The following RAD52 variants were observed in gnomAD, a reference collection of about 807,000 sequenced individuals.
RAD52 encodes the protein DNA repair protein RAD52 homolog.
In RAD52, 47 loss-of-function variants were observed where a neutral mutation model predicts 55.5. The observed-to-expected ratio is 0.85, with a 90% CI of 0.67 to 1.08. The LOEUF is 1.08. RAD52 is among the 50% of genes least tolerant of loss of function. RAD52 has a pLI of 0.00. For missense variants in RAD52, 468 were observed against 522.8 expected (o/e 0.90, Z 1.02); for synonymous variants, 184 against 198.9 (o/e 0.92, Z 0.63).
At chr12:959,186 G>A (rs559566607) in intron 1 of RAD52, among the ~76,000 whole-genome samples, 2 of 152,252 alleles carry the variant, frequency 1.3e-5, no homozygotes, top group South Asian at 4.1e-4. Context: ...TCTAAGAACC[G>A]GCACTAGTAT....
intron 1 of RAD52, among the ~76,000 whole-genome samples, chr12:945,777 C>G (rs1958185347): frequency 6.7e-6 from 1 of 150,224 alleles, no homozygotes; most frequent in Non-Finnish European, 1.5e-5. Context: ...GTAATCCCAG[C>G]ACTTTGGGAG....
chr12:951,119 TA>T (rs200360708), upstream of RAD52, among the ~76,000 whole-genome samples: 6,905 of 151,792 alleles, frequency 0.045, 429 homozygotes, highest in African/African-American at 0.14. Context: ...ATTTTTTTTT[TA>T]AAGAGTCAGG....
rs977367021 is a variant in RAD52 at position 911,955 on chromosome 12, C to T, written c.*1436G>A. On this transcript the variant is annotated 3_prime_UTR_variant, in exon 12 of 12. Transcript: ENST00000358495. ...GGAGAATTGCTTGAATCCTGGCAGG[C>T]GGAGGCTGCAATGAGTCAAGATGGC... 2.6e-5 allele frequency: 5 copies of T among 189,632 alleles called. No homozygotes were observed. Among genetic ancestry groups the T allele is most frequent in the African/African-American group, 7.0e-5 (3 of 42,826 alleles). 11.7% of individuals were successfully genotyped at this position (189,632 alleles called of 1,614,324 possible). A position where few individuals can be genotyped will look rare whatever the true frequency, so the allele number is the denominator to read the frequency against.
chr12:980,294 C>A (rs1296997441), intron 1 of RAD52, among the ~76,000 whole-genome samples: 1 of 150,508 alleles, frequency 6.6e-6, no homozygotes, highest in African/African-American at 2.4e-5. Context: ...TGTTGTCTTT[C>A]CTTTTTTTTT....
intron 7 of RAD52, 124 bp downstream of exon 7, chr12:925,326 A>G (rs905278232): frequency 8.1e-5 from 64 of 794,844 alleles, no homozygotes; most frequent in Non-Finnish European, 1.2e-4. Flanking sequence ...TCTGAAATCA[A>G]CATTCCCGAC....
chr12:982,656 CTTTTTTT>C (rs34866890), intron 1 of RAD52, among the ~76,000 whole-genome samples: 10 of 86,436 alleles, frequency 1.2e-4, no homozygotes, highest in Non-Finnish European at 1.8e-4. Flanking sequence ...ACAATCTAGA[CTTTTTTT>C]TTTTTTTTTT....
intron 1 of RAD52, among the ~76,000 whole-genome samples, chr12:981,528 C>T (rs1307795463): frequency 6.6e-6 from 1 of 152,010 alleles, no homozygotes; most frequent in Non-Finnish European, 1.5e-5. Flanking sequence ...ACAGACATTC[C>T]CATTCCAAAG....
chr12:953,923 A>G (rs1301204462), upstream of RAD52, among the ~76,000 whole-genome samples: 1 of 152,148 alleles, frequency 6.6e-6, no homozygotes, highest in Non-Finnish European at 1.5e-5. Context: ...ACAGACGTCT[A>G]TTTTATTTGC....
intron 7 of RAD52, among the ~76,000 whole-genome samples, chr12:923,388 T>C (rs531489398): frequency 6.6e-6 from 1 of 151,610 alleles, no homozygotes; most frequent in South Asian, 2.1e-4. Flanking sequence ...GTAATAATTG[T>C]TTAAAAAATA....
At chr12:984,839 T>C (rs1163969275) in intron 1 of RAD52, among the ~76,000 whole-genome samples, 1 of 152,068 alleles carries the variant, frequency 6.6e-6, no homozygotes, top group Admixed American at 6.6e-5. Flanking sequence ...TAATTTTTTG[T>C]ATTCTTCAGT....
rs758945522 is a variant in RAD52, at chr12:926,883, C to T, written c.467+262G>A. The T allele has an allele frequency of 9.8e-6, 15 of 1,536,500 alleles. No homozygotes were observed. The South Asian group carries it at 1.8e-4, about 18-fold the overall frequency. On this transcript the variant is annotated intron_variant, in intron 6 of 11. Transcript: ENST00000358495. The stretch of plus-strand genomic sequence containing the variant: ...TAGGAGTGGGAAGGCCTCCGGCACA[C>T]ATGACTGAGTGCACGGAGAAGAGAG...
intron 1 of RAD52, among the ~76,000 whole-genome samples, chr12:980,280 ATTGTG>A (rs932837009): frequency 2.2e-4 from 33 of 148,894 alleles, no homozygotes; most frequent in African/African-American, 8.1e-4. Flanking sequence ...AATGTCTCCT[ATTGTG>A]TTGTCTTTCC....
intron 1 of RAD52, among the ~76,000 whole-genome samples, chr12:933,394 GT>G: frequency 6.6e-6 from 1 of 151,206 alleles, no homozygotes; most frequent in Non-Finnish European, 1.5e-5. Flanking sequence ...GGAGGCGGAG[GT>G]TGCAGTGATC....
chr12:915,259 C>T (rs1956295227), intron 9 of RAD52, among the ~76,000 whole-genome samples: 1 of 152,234 alleles, frequency 6.6e-6, no homozygotes, highest in Admixed American at 6.5e-5. Context: ...CCACAATCTA[C>T]CCGGGAGCTT....
At chr12:932,682 C>T (rs1325136746) in intron 2 of RAD52, among the ~76,000 whole-genome samples, 3 of 135,034 alleles carry the variant, frequency 2.2e-5, no homozygotes, top group African/African-American at 8.9e-5. Flanking sequence ...TCCAAAATGC[C>T]CTCCAGAGTT....
At chr12:936,848 C>A (rs77775780) in intron 1 of RAD52, 2 of 152,320 alleles carry the variant, frequency 1.3e-5, no homozygotes, top group East Asian at 1.9e-4. Context: ...TCCTTGAGGC[C>A]CTTGGTCACT....
chr12:930,977 T>TAAA (rs11397921), intron 3 of RAD52, among the ~76,000 whole-genome samples: 27 of 141,850 alleles, frequency 1.9e-4, no homozygotes, highest in South Asian at 9.1e-4. Flanking sequence ...TCTTTAAAAA[T>TAAA]AAAAAAAAAA....
intron 6 of RAD52, 97 bp from the exon 7 acceptor site, chr12:925,622 G>T: frequency 1.0e-6 from 1 of 973,770 alleles, no homozygotes; most frequent in Non-Finnish European, 1.6e-6. Flanking sequence ...TTGCTTCTCA[G>T]GAGCAGCAGA....
At chr12:935,891 A>C (rs980602796) in intron 1 of RAD52, among the ~76,000 whole-genome samples, 1 of 80,970 alleles carries the variant, frequency 1.2e-5, no homozygotes, top group African/African-American at 4.3e-5. Context: ...TAAATAAATA[A>C]ATAAATAACT....
Sources: gnomAD v4.1 joint callset for allele counts (sites outside exome capture counted in the v4.1 genomes callset) on GRCh38, gnomAD v4.1.1 for gene constraint, MANE v1.5 for transcripts, NCBI Gene and HGNC (gene_info 2026-07-23, HGNC 2026-07-21) for gene names.